Variants in C7 observed in about 807,000 individuals in gnomAD.
C7 encodes the protein complement C7.
C7 carries 83 observed loss-of-function variants against 104.8 expected under a neutral mutation model. The observed-to-expected ratio is 0.79, with a 90% confidence interval of 0.66 to 0.95. The LOEUF is 0.95. Ranked by LOEUF, C7 falls within the 40% of genes least tolerant of loss-of-function variation. C7 has a pLI of 0.00. For synonymous variants in C7, 415 were observed against 360.6 expected, an observed-to-expected ratio of 1.15 and a Z score of -1.71; for missense variants, 1,070 against 1,011.2, an observed-to-expected ratio of 1.06 and a Z score of -0.79.
At chr5:40,955,832 A>T (rs1740280501) in intron 10 of C7, among the ~76,000 whole-genome samples, 1 of 152,178 alleles carries the variant, frequency 6.6e-6, no homozygotes, top group African/African-American at 2.4e-5. Flanking sequence ...AAGTTCGATT[A>T]TGTCTTCCTT....
At chr5:40,920,689 G>T (rs1739420322) in intron 1 of C7, among the ~76,000 whole-genome samples, 1 of 151,952 alleles carries the variant, frequency 6.6e-6, no homozygotes, top group Non-Finnish European at 1.5e-5. Context: ...CAAAATAAAT[G>T]GCATTCAAAT....
intron 15 of C7, among the ~76,000 whole-genome samples, chr5:40,975,199 C>A (rs78629225): frequency 6.6e-6 from 1 of 151,868 alleles, no homozygotes; most frequent in Non-Finnish European, 1.5e-5. Context: ...TTACATAACA[C>A]AACTTGGTTA....
chr5:40,953,408 T>C (rs902544889), intron 9 of C7, among the ~76,000 whole-genome samples: 4 of 151,958 alleles, frequency 2.6e-5, no homozygotes, highest in African/African-American at 9.7e-5. Context: ...TTTGGCAGGC[T>C]GAGGTGGGTG....
rs969348368 is a variant in C7 at position 40,982,711 on chromosome 5, G to A, written c.*1138G>A. On this transcript the variant is annotated 3_prime_UTR_variant, in exon 18 of 18. Coordinates refer to ENST00000313164, the MANE Select transcript of C7 (RefSeq NM_000587.4). ...GATACAGTCCCAGAGTTTTCAGGGA[G>A]TACACAGGTAGATTAGTTTGAAGCA... 6.6e-6 allele frequency: 1 copy of A among 152,332 alleles called. No individual in the cohort carries two copies. Among genetic ancestry groups the A allele is most frequent in the Non-Finnish European group, 1.5e-5 (1 of 68,042 alleles). 9.4% of individuals were successfully genotyped at this position (152,332 alleles called of 1,614,324 possible).
chr5:40,972,701 C>T (rs1740727362), intron 15 of C7, 107 bp downstream of exon 15: 1 of 837,748 alleles, frequency 1.2e-6, no homozygotes, highest in South Asian at 2.3e-5. Flanking sequence ...TCATTCCCTC[C>T]ATTCTTGCTC....
intron 2 of C7, among the ~76,000 whole-genome samples, chr5:40,929,906 G>A (rs1393233715): frequency 1.3e-5 from 2 of 152,060 alleles, no homozygotes; most frequent in African/African-American, 4.8e-5. Context: ...TTCTCATGGG[G>A]ACTTTTTATA....
At chr5:40,931,257 G>A in intron 3 of C7, 118 bp downstream of exon 3, 1 of 716,594 alleles carries the variant, frequency 1.4e-6, no homozygotes, top group South Asian at 1.7e-5. Flanking sequence ...TGAAAACTAT[G>A]TTTGTAATTT....
At chr5:40,947,941 GA>G in intron 8 of C7, 96 bp downstream of exon 8, 1 of 1,253,956 alleles carries the variant, frequency 8.0e-7, no homozygotes, top group Non-Finnish European at 1.1e-6. Context: ...TTTAAAATTT[GA>G]CAAACAGAAA....
chr5:40,939,501 A>G (rs1739888693), intron 6 of C7, among the ~76,000 whole-genome samples: 1 of 152,048 alleles, frequency 6.6e-6, no homozygotes, highest in South Asian at 2.1e-4. Flanking sequence ...ACAGCCTTTT[A>G]TTTTTCCATT....
At chr5:40,957,748 G>A (rs374057208) in intron 10 of C7, among the ~76,000 whole-genome samples, 101 of 140,806 alleles carry the variant, frequency 7.2e-4, no homozygotes, top group African/African-American at 2.5e-3. Context: ...GAGTCATCGC[G>A]CCTGGGCTGG....
In C7 at chr5:40,974,763, G is replaced by A. The variant is rs533792356; in HGVS notation, c.2075-1987G>A. Among the ~76,000 whole-genome samples the A allele has an allele frequency of 2.6e-5, 4 of 152,226 alleles. No homozygotes were observed. In the South Asian group the frequency reaches 6.2e-4, roughly 24 times the overall value. ...CAAACTTTTAAAATCTAAAATTTCA[G>A]GATTTGTCCTAAAGTAAATTTTTAA... On this transcript the variant is annotated intron_variant, in intron 15 of 17. Transcript: ENST00000313164.
intron 9 of C7, among the ~76,000 whole-genome samples, chr5:40,950,359 CA>C (rs1028568561): frequency 1.3e-5 from 2 of 152,132 alleles, no homozygotes; most frequent in Non-Finnish European, 2.9e-5. Flanking sequence ...CAGCTCCATC[CA>C]TGTCCCTGCA....
intron 2 of C7, among the ~76,000 whole-genome samples, chr5:40,928,898 GTT>G (rs1017199999): frequency 9.2e-5 from 14 of 152,152 alleles, no homozygotes; most frequent in African/African-American, 3.4e-4. Context: ...CAGTGCCGTG[GTT>G]TTATCTGTAA....
chr5:40,924,981 C>A (rs1329024403), intron 1 of C7, among the ~76,000 whole-genome samples: 2 of 152,216 alleles, frequency 1.3e-5, no homozygotes, highest in African/African-American at 4.8e-5. Flanking sequence ...ATTGTCTTGG[C>A]TATTAACACT....
chr5:40,962,884 A>C lies in C7; in HGVS notation c.1749+712A>C, dbSNP rs1579867223. ...CAAGGGATTTTGCTTTTCAAACCCCAGGCCCTTGAACATGCATTCACTGAA... is the reference window on the plus strand; with the variant it reads ...CAAGGGATTTTGCTTTTCAAACCCCCGGCCCTTGAACATGCATTCACTGAA... On this transcript the variant is annotated intron_variant, in intron 13 of 17. Transcript: ENST00000313164. Among the ~76,000 whole-genome samples the C allele has an allele frequency of 2.6e-5, 4 of 152,296 alleles. No individual in the cohort carries two copies. In the East Asian group the frequency reaches 7.7e-4, roughly 29 times the overall value.
intron 15 of C7, among the ~76,000 whole-genome samples, chr5:40,974,087 T>G (rs1008719195): frequency 4.3e-5 from 5 of 116,106 alleles, no homozygotes; most frequent in African/African-American, 2.0e-4. Flanking sequence ...CATTTACCAT[T>G]TTATCCATTT....
In C7 at chr5:40,964,803, T is replaced by G; in HGVS notation, c.1812T>G (p.Ser604=). ...NVVYTCNEGY[S]LIGNPVARCG... ...TGTACACTTGCAATGAAGGATACTC[T>G]CTTATTGGAAACCCAGTGGCCAGAT... Residue 604 remains serine (S), a synonymous_variant, in exon 14 of 18, where the codon TCT becomes TCG. Coordinates refer to ENST00000313164, the MANE Select transcript of C7 (RefSeq NM_000587.4). The G allele has an allele frequency of 1.9e-6, 3 of 1,613,628 alleles. No individual in the cohort carries two copies. Among genetic ancestry groups the G allele is most frequent in the Non-Finnish European group, 2.5e-6 (3 of 1,179,544 alleles).
chr5:40,942,811 C>T (rs2111615952), intron 6 of C7, among the ~76,000 whole-genome samples: 1 of 150,654 alleles, frequency 6.6e-6, no homozygotes, highest in African/African-American at 2.4e-5. Context: ...TGTCACCAGG[C>T]TGGAGTGCAG....
intron 1 of C7, among the ~76,000 whole-genome samples, chr5:40,910,111 T>C (rs1739176385): frequency 6.6e-6 from 1 of 151,758 alleles, no homozygotes; most frequent in African/African-American, 2.4e-5. Context: ...AGAGTCAGCA[T>C]TGTGAGAATA....
Sources: gnomAD v4.1 joint callset for allele counts (sites outside exome capture counted in the v4.1 genomes callset) on GRCh38, gnomAD v4.1.1 for gene constraint, MANE v1.5 for transcripts, NCBI Gene and HGNC (gene_info 2026-07-23, HGNC 2026-07-21) for gene names.